Variants in ASIC2 observed in about 807,000 individuals in gnomAD.
ASIC2 encodes the protein acid-sensing ion channel 2.
In ASIC2, 25 loss-of-function variants were observed where a neutral mutation model predicts 57.3. The observed-to-expected ratio is 0.44, with a 90% CI of 0.32 to 0.61. The LOEUF (loss-of-function observed/expected upper bound fraction) is 0.61, where lower values mean the gene tolerates loss of function less well. Ranked by LOEUF, ASIC2 falls within the 20% of genes least tolerant of loss-of-function variation. The pLI is 0.06. For missense variants in ASIC2, 641 were observed against 738.1 expected, an observed-to-expected ratio of 0.87 and a Z score of 1.52; for synonymous variants, 319 against 307.5, an observed-to-expected ratio of 1.04 and a Z score of -0.39.
At chr17:33,062,540 T>C (rs959434857) in intron 3 of ASIC2, among the ~76,000 whole-genome samples, 1 of 152,346 alleles carries the variant, frequency 6.6e-6, no homozygotes, top group Non-Finnish European at 1.5e-5. Flanking sequence ...TTTGTTATAA[T>C]TTCTGTTCTT....
intron 1 of ASIC2, among the ~76,000 whole-genome samples, chr17:33,777,294 A>G (rs1911313082): frequency 6.6e-6 from 1 of 152,272 alleles, no homozygotes; most frequent in Admixed American, 6.5e-5. Flanking sequence ...GAAAAAGAGC[A>G]TGTGTATAAG....
chr17:33,679,001 ATT>A (rs536305008), intron 1 of ASIC2, among the ~76,000 whole-genome samples: 134 of 152,270 alleles, frequency 8.8e-4, no homozygotes, highest in Admixed American at 2.5e-3. Flanking sequence ...AGCTCTGTGC[ATT>A]TTGTCTACAA....
intron 1 of ASIC2, among the ~76,000 whole-genome samples, chr17:33,812,765 C>T (rs1296677606): frequency 6.6e-6 from 1 of 152,162 alleles, no homozygotes; most frequent in East Asian, 1.9e-4. Flanking sequence ...CAGATCTACC[C>T]ACATTAGACC....
intron 1 of ASIC2, among the ~76,000 whole-genome samples, chr17:33,398,927 C>T (rs1910180495): frequency 6.6e-6 from 1 of 152,136 alleles, no homozygotes; most frequent in Non-Finnish European, 1.5e-5. Context: ...TTGTTTTCCT[C>T]TTTTCTGGGA....
intron 1 of ASIC2, among the ~76,000 whole-genome samples, chr17:33,247,711 G>A (rs968499629): frequency 6.6e-6 from 1 of 152,180 alleles, no homozygotes; most frequent in Non-Finnish European, 1.5e-5. Flanking sequence ...GCCAAGAGTA[G>A]GTTCCTCAGT....
chr17:33,276,304 T>C (rs561641710), intron 1 of ASIC2, among the ~76,000 whole-genome samples: 1 of 152,308 alleles, frequency 6.6e-6, no homozygotes, highest in South Asian at 2.1e-4. Flanking sequence ...AGGGTATGAA[T>C]GACTTAATTG....
chr17:33,443,280 A>T (rs1911887055), intron 1 of ASIC2, among the ~76,000 whole-genome samples: 1 of 152,140 alleles, frequency 6.6e-6, no homozygotes, highest in Non-Finnish European at 1.5e-5. Context: ...GGAGTTGGGA[A>T]GTATCCTCGC....
intron 1 of ASIC2, among the ~76,000 whole-genome samples, chr17:33,556,402 A>G (rs1434585): frequency 0.57 from 86,200 of 152,106 alleles, 25,589 homozygotes; most frequent in African/African-American, 0.75. Context: ...GAATGACAGC[A>G]CGTGGGAAAA....
chr17:33,913,091 TC>T (rs139151090), intron 1 of ASIC2, among the ~76,000 whole-genome samples: 24,545 of 151,310 alleles, frequency 0.16, 2,356 homozygotes, highest in Non-Finnish European at 0.22. Flanking sequence ...TAAATCCCCC[TC>T]CCCCCCGCCA....
chr17:33,583,044 G>A (rs988395422), intron 1 of ASIC2, among the ~76,000 whole-genome samples: 23 of 152,154 alleles, frequency 1.5e-4, no homozygotes, highest in African/African-American at 5.3e-4. Context: ...ATGAGTGTGG[G>A]GACACTGGTG....
intron 4 of ASIC2, among the ~76,000 whole-genome samples, chr17:33,027,539 C>T (rs540998192): frequency 3.3e-5 from 5 of 152,302 alleles, no homozygotes; most frequent in Admixed American, 3.3e-4. Flanking sequence ...ATATCCTAGC[C>T]TAATTTTCAC....
chr17:33,561,804 C>G (rs1916081280), intron 1 of ASIC2, among the ~76,000 whole-genome samples: 1 of 152,186 alleles, frequency 6.6e-6, no homozygotes, highest in Non-Finnish European at 1.5e-5. Context: ...CAATCAATGA[C>G]CAATTTCCCT....
At chr17:33,626,123 C>T (rs949881715) in intron 1 of ASIC2, among the ~76,000 whole-genome samples, 1 of 152,180 alleles carries the variant, frequency 6.6e-6, no homozygotes, top group Admixed American at 6.5e-5. Flanking sequence ...CTGTAGAATG[C>T]AGTGGGGCAC....
rs146417814 is a variant in ASIC2 at position 33,272,476 on chromosome 17, A to G, written c.708+18932T>C. Among the ~76,000 whole-genome samples the G allele has an allele frequency of 9.7e-3, 1,471 of 152,316 alleles. 31 individuals are homozygous for G. Among genetic ancestry groups the G allele is most frequent in the African/African-American group, 0.034 (1,403 of 41,572 alleles). On this transcript the variant is annotated intron_variant, in intron 1 of 9. Coordinates refer to ENST00000225823, the MANE Select transcript of ASIC2 (RefSeq NM_183377.2). Reference sequence around the variant, plus strand: ...TGAATTCTGAAGTAGATTTTAGGTGAACAGTTCTTTACTGAGCACCTATTT... The same window carrying G: ...TGAATTCTGAAGTAGATTTTAGGTGGACAGTTCTTTACTGAGCACCTATTT...
intron 1 of ASIC2, among the ~76,000 whole-genome samples, chr17:34,056,963 A>G (rs1000958710): frequency 1.3e-5 from 2 of 152,250 alleles, no homozygotes; most frequent in African/African-American, 4.8e-5. Flanking sequence ...GGGAAATGTC[A>G]AAGAGTGGAT....
At chr17:33,088,719 T>A in intron 3 of ASIC2, 144 bp downstream of exon 3, 1 of 1,207,066 alleles carries the variant, frequency 8.3e-7, no homozygotes, top group Non-Finnish European at 1.1e-6. Flanking sequence ...ACAGGAGAAC[T>A]GGTGACGAAG....
chr17:33,179,055 A>C (rs974076383), intron 1 of ASIC2, among the ~76,000 whole-genome samples: 7 of 152,210 alleles, frequency 4.6e-5, no homozygotes, highest in African/African-American at 1.7e-4. Context: ...GGCCCAAGGC[A>C]ACCTGGCACA....
chr17:33,626,480 C>G (rs1905988107), intron 1 of ASIC2, among the ~76,000 whole-genome samples: 1 of 152,050 alleles, frequency 6.6e-6, no homozygotes, highest in Non-Finnish European at 1.5e-5. Context: ...TACATTTTTT[C>G]TAATAAACAT....
chr17:33,303,328 T>A (rs1261790881), intron 1 of ASIC2, among the ~76,000 whole-genome samples: 1 of 152,210 alleles, frequency 6.6e-6, no homozygotes, highest in Non-Finnish European at 1.5e-5. Flanking sequence ...CTGCTGTAGA[T>A]CTGGGAGCTA....
Sources: gnomAD v4.1 joint callset for allele counts (sites outside exome capture counted in the v4.1 genomes callset) on GRCh38, gnomAD v4.1.1 for gene constraint, MANE v1.5 for transcripts, NCBI Gene and HGNC (gene_info 2026-07-23, HGNC 2026-07-21) for gene names.